Variants in ARHGAP18 observed in about 807,000 individuals in gnomAD.
ARHGAP18 encodes rho GTPase-activating protein 18.
ARHGAP18 carries 67 observed loss-of-function variants against 86.2 expected under a neutral mutation model. The observed-to-expected ratio is 0.78, with a 90% CI of 0.64 to 0.95. The LOEUF (loss-of-function observed/expected upper bound fraction) is 0.95. Ranked by LOEUF, ARHGAP18 falls within the 40% of genes least tolerant of loss-of-function variation. The pLI is 0.00. For missense variants in ARHGAP18, 691 were observed against 780.4 expected (o/e 0.89, Z 1.37); for synonymous variants, 283 against 280.4 (o/e 1.01, Z -0.09).
chr6:129,658,568 G>A (rs952637134), intron 1 of ARHGAP18, among the ~76,000 whole-genome samples: 3 of 152,140 alleles, frequency 2.0e-5, no homozygotes, highest in African/African-American at 7.2e-5. Context: ...TCAGGGTTGA[G>A]GATGCAGACA....
chr6:129,609,607 G>A (rs1387567849), intron 8 of ARHGAP18, among the ~76,000 whole-genome samples: 1 of 151,150 alleles, frequency 6.6e-6, no homozygotes, highest in Non-Finnish European at 1.5e-5. Context: ...ATCTTTGTTA[G>A]TGAATGTACT....
chr6:129,585,620 G>A (rs550199605), intron 12 of ARHGAP18, among the ~76,000 whole-genome samples: 26 of 152,316 alleles, frequency 1.7e-4, no homozygotes, highest in African/African-American at 5.8e-4. Context: ...CAGAGTGGGT[G>A]GTGCCCCACC....
intron 4 of ARHGAP18, among the ~76,000 whole-genome samples, chr6:129,632,683 C>A (rs559698559): frequency 2.0e-5 from 3 of 152,264 alleles, no homozygotes; most frequent in Admixed American, 2.0e-4. Context: ...ATAATGCATA[C>A]AACTGAAGAA....
At chr6:129,700,497 A>G (rs1444986380) in intron 1 of ARHGAP18, among the ~76,000 whole-genome samples, 1 of 152,238 alleles carries the variant, frequency 6.6e-6, no homozygotes, top group East Asian at 1.9e-4. Flanking sequence ...TATTTATATA[A>G]CTTATCCCAC....
intron 2 of ARHGAP18, 107 bp downstream of exon 2, chr6:129,641,709 T>C (rs1409898472): frequency 1.9e-6 from 2 of 1,033,526 alleles, no homozygotes; most frequent in Non-Finnish European, 2.8e-6. Context: ...AGTATCTTTT[T>C]TTGGTGGTCC....
intron 5 of ARHGAP18, among the ~76,000 whole-genome samples, chr6:129,624,855 G>T (rs941385660): frequency 6.7e-6 from 1 of 149,470 alleles, no homozygotes; most frequent in African/African-American, 2.5e-5. Flanking sequence ...TGAGGCAGGA[G>T]AATTGCTTGT....
At chr6:129,616,007 C>A (rs1359863917) in intron 7 of ARHGAP18, among the ~76,000 whole-genome samples, 1 of 152,148 alleles carries the variant, frequency 6.6e-6, no homozygotes, top group East Asian at 1.9e-4. Flanking sequence ...GCCAGGTAAT[C>A]ACAGTTACAG....
At chr6:129,683,123 C>A (rs545792589) in intron 1 of ARHGAP18, among the ~76,000 whole-genome samples, 55 of 150,432 alleles carry the variant, frequency 3.7e-4, no homozygotes, top group Non-Finnish European at 7.7e-4. Flanking sequence ...CCAGGCTGGA[C>A]TGCAGTGGCG....
At chr6:129,708,210 C>T (rs1774833418) in intron 1 of ARHGAP18, among the ~76,000 whole-genome samples, 2 of 152,176 alleles carry the variant, frequency 1.3e-5, no homozygotes, top group Non-Finnish European at 2.9e-5. Flanking sequence ...CCATCTTCTC[C>T]GGTCAATATC....
At chr6:129,676,870 T>G (rs1467964391) in intron 1 of ARHGAP18, among the ~76,000 whole-genome samples, 2 of 146,990 alleles carry the variant, frequency 1.4e-5, no homozygotes, top group Non-Finnish European at 3.0e-5. Context: ...TTGAAAATTA[T>G]CAATCAGTGG....
intron 1 of ARHGAP18, among the ~76,000 whole-genome samples, chr6:129,643,115 A>C (rs1773504040): frequency 6.6e-6 from 1 of 151,976 alleles, no homozygotes; most frequent in Non-Finnish European, 1.5e-5. Context: ...ATATATAATA[A>C]AATAATTTTT....
At chr6:129,683,878 C>A (rs1774375359) in intron 1 of ARHGAP18, among the ~76,000 whole-genome samples, 1 of 151,972 alleles carries the variant, frequency 6.6e-6, no homozygotes, top group African/African-American at 2.4e-5. Flanking sequence ...GGGGGGAGTT[C>A]TGCTAAGAAA....
intron 7 of ARHGAP18, among the ~76,000 whole-genome samples, chr6:129,614,544 A>C (rs1357610192): frequency 6.6e-6 from 1 of 152,158 alleles, no homozygotes; most frequent in Non-Finnish European, 1.5e-5. Context: ...TAAAAAAAAA[A>C]CTTCAAGAGA....
At chr6:129,615,215 G>C (rs758965549) in intron 7 of ARHGAP18, among the ~76,000 whole-genome samples, 9 of 152,212 alleles carry the variant, frequency 5.9e-5, no homozygotes, top group Non-Finnish European at 1.2e-4. Flanking sequence ...TATGTAGCCT[G>C]TATTTGTCAG....
At chr6:129,662,890 T>C (rs964855863) in intron 1 of ARHGAP18, among the ~76,000 whole-genome samples, 3 of 152,204 alleles carry the variant, frequency 2.0e-5, no homozygotes, top group African/African-American at 7.2e-5. Flanking sequence ...AAAAAGAGAA[T>C]TATCATGCAT....
At chr6:129,605,626 C>A (rs949053365) in intron 10 of ARHGAP18, among the ~76,000 whole-genome samples, 1 of 151,802 alleles carries the variant, frequency 6.6e-6, no homozygotes, top group Non-Finnish European at 1.5e-5. Flanking sequence ...AACCGACGAA[C>A]CTCAATCGTC....
intron 5 of ARHGAP18, among the ~76,000 whole-genome samples, chr6:129,627,699 C>G (rs983106514): frequency 7.9e-5 from 12 of 151,754 alleles, no homozygotes; most frequent in African/African-American, 2.9e-4. Context: ...GAGAAAGAAA[C>G]AGAGAAGGAG....
chr6:129,600,302 T>C (rs1271089963), intron 11 of ARHGAP18, among the ~76,000 whole-genome samples: 1 of 152,084 alleles, frequency 6.6e-6, no homozygotes, highest in Non-Finnish European at 1.5e-5. Flanking sequence ...ATGTTCTCAG[T>C]TAATAAGGGT....
In ARHGAP18 at chr6:129,578,599, G is replaced by A. The variant is rs781224670; in HGVS notation, c.1906C>T (p.Arg636Cys). Residue 636 changes from arginine to cysteine, a missense_variant, in exon 15 of 15, where the codon CGC becomes TGC. Transcript: ENST00000368149. Reference sequence around the variant, plus strand: ...ATGTAAGTGTCATCATCAAGGCAGCGTTCCCCTGTTAAAATAGATGTTGTG... The same window carrying A: ...ATGTAAGTGTCATCATCAAGGCAGCATTCCCCTGTTAAAATAGATGTTGTG... ...LYEIGGNIGE[R>C]CLDDDTYMKD... 5.2e-5 allele frequency: 83 copies of A among 1,608,164 alleles called. No homozygotes were observed. The highest frequency in any genetic ancestry group is 6.3e-5 in the Non-Finnish European group (74 of 1,176,494).
Sources: allele counts gnomAD v4.1 joint callset (sites outside exome capture counted in the v4.1 genomes callset), GRCh38; gene constraint gnomAD v4.1.1; transcripts MANE v1.5; gene names NCBI Gene and HGNC (gene_info 2026-07-23, HGNC 2026-07-21).